GARRE1: variants seen among roughly 807,000 people sequenced by gnomAD.
GARRE1 encodes the protein granule associated Rac and RHOG effector protein 1.
GARRE1 carries 49 observed loss-of-function variants against 103.2 expected under a neutral mutation model. The observed-to-expected ratio is 0.47, with a 90% CI of 0.38 to 0.60. GARRE1 has a LOEUF of 0.60. Among genes scored for constraint, GARRE1 ranks in the 20% least tolerant of loss-of-function variants. The pLI is 0.00. For missense variants in GARRE1, 1,199 were observed against 1,370.5 expected (o/e 0.87, Z 1.98); for synonymous variants, 505 against 532.8 (o/e 0.95, Z 0.72).
intron 3 of GARRE1, among the ~76,000 whole-genome samples, chr19:34,320,764 C>T (rs938051407): frequency 2.7e-5 from 4 of 150,842 alleles, no homozygotes; most frequent in Non-Finnish European, 5.9e-5. Flanking sequence ...CTCTGTTGCC[C>T]AGGCTGAAGT....
At chr19:34,302,952 C>G (rs939699189) in intron 2 of GARRE1, among the ~76,000 whole-genome samples, 1 of 151,738 alleles carries the variant, frequency 6.6e-6, no homozygotes, top group Non-Finnish European at 1.5e-5. Flanking sequence ...ACCGTGTTGC[C>G]CAGGCTGGTG....
rs539157165 is a variant in GARRE1, at chr19:34,344,840, ATT to A, written c.2521+2399_2521+2400del. 3.7e-4 allele frequency among the ~76,000 whole-genome samples: 51 copies of A among 139,380 alleles called. No homozygotes were observed. In the South Asian group the frequency reaches 8.8e-3, roughly 24 times the overall value. 91.4% of individuals were successfully genotyped at this position (139,380 alleles called of 152,430 possible). Reference sequence around the variant, plus strand: ...AGGTGCCTGCCACCACACCCAGCTAATTTTTTTTTTTTTTTATACGGAGTCTC... The same window carrying A: ...AGGTGCCTGCCACCACACCCAGCTAATTTTTTTTTTTTTATACGGAGTCTC... On this transcript the variant is annotated intron_variant, in intron 10 of 13. Transcript: ENST00000299505.
intron 1 of GARRE1, among the ~76,000 whole-genome samples, chr19:34,273,943 G>C (rs1381163289): frequency 6.6e-6 from 1 of 152,154 alleles, no homozygotes; most frequent in Non-Finnish European, 1.5e-5. Context: ...TAAGCGCAGA[G>C]TGGTGTGATC....
At chr19:34,302,687 T>C (rs2073986258) in intron 2 of GARRE1, among the ~76,000 whole-genome samples, 1 of 151,968 alleles carries the variant, frequency 6.6e-6, no homozygotes, top group Non-Finnish European at 1.5e-5. Context: ...GTTGCTAATA[T>C]TCAGATGTAT....
At chr19:34,315,579 T>C (rs1035906125) in intron 2 of GARRE1, among the ~76,000 whole-genome samples, 5 of 151,736 alleles carry the variant, frequency 3.3e-5, no homozygotes, top group African/African-American at 4.8e-5. Context: ...GGCGTGGTGG[T>C]GGGTGCCTGT....
chr19:34,298,329 G>T (rs1312599217), intron 1 of GARRE1, among the ~76,000 whole-genome samples: 2 of 151,672 alleles, frequency 1.3e-5, no homozygotes, highest in Non-Finnish European at 2.9e-5. Flanking sequence ...CAGGAGGATT[G>T]CTTGGGCCTA....
chr19:34,332,325 A>G (rs968684467), intron 7 of GARRE1, among the ~76,000 whole-genome samples: 2 of 152,190 alleles, frequency 1.3e-5, no homozygotes, highest in Non-Finnish European at 2.9e-5. Context: ...GCTTTAGTAT[A>G]TCGATCCATA....
At chr19:34,350,331 C>T (rs563613992) in intron 12 of GARRE1, among the ~76,000 whole-genome samples, 3 of 152,222 alleles carry the variant, frequency 2.0e-5, no homozygotes, top group East Asian at 1.9e-4. Context: ...AGGTGCTAAG[C>T]CTGCAGGAGG....
rs1431035757 is a variant in GARRE1, at chr19:34,352,798, T to C, written c.3056T>C (p.Val1019Ala). The C allele has an allele frequency of 6.2e-7, 1 of 1,613,854 alleles. No individual in the cohort carries two copies. Among genetic ancestry groups the C allele is most frequent in the Non-Finnish European group, 8.5e-7 (1 of 1,180,000 alleles). ...NDTMQMLQSP[V>A]WAATNDCSAA... is the part of the protein sequence containing the mutation. ...ACCATGCAGATGCTGCAGTCCCCAG[T>C]GTGGGCCGCAACCAACGACTGCAGT... Residue 1019 changes from valine (V) to alanine (A), a missense_variant, in exon 14 of 14, where the codon GTG becomes GCG. Coordinates refer to ENST00000299505, the MANE Select transcript of GARRE1 (RefSeq NM_014686.5).
intron 10 of GARRE1, among the ~76,000 whole-genome samples, chr19:34,344,742 C>T (rs751834218): frequency 1.4e-4 from 21 of 151,800 alleles, no homozygotes; most frequent in Non-Finnish European, 2.5e-4. Flanking sequence ...GCGCGATCCC[C>T]ACTTACTTGC....
Position 34,342,356 on chromosome 19 carries a change from C to T in GARRE1, c.2422C>T (p.Gln808Ter), listed in dbSNP as rs761741035. 6.2e-7 allele frequency: 1 copy of T among 1,614,160 alleles called. No individual in the cohort carries two copies. Among genetic ancestry groups the T allele is most frequent in the South Asian group, 1.1e-5 (1 of 91,080 alleles). ...TAATGTGATGTCAGAGGTTCTGGGA[C>T]AGAAGCCGCAGGGACCTAGAAATAA... ...MDNVMSEVLG[Q>*]KPQGPRNNTW... is the part of the protein sequence containing the mutation. Residue 808 changes from glutamine to a stop codon, truncating the protein, a stop_gained, in exon 10 of 14, where the codon CAG (glutamine) becomes TAG (stop). Transcript: ENST00000299505. LOFTEE classifies it high-confidence loss of function.
At chr19:34,335,159 G>C (rs1266350182) in intron 8 of GARRE1, among the ~76,000 whole-genome samples, 1 of 152,170 alleles carries the variant, frequency 6.6e-6, no homozygotes, top group East Asian at 1.9e-4. Flanking sequence ...TGTGAAACAG[G>C]CAAAGAGGTT....
intron 1 of GARRE1, chr19:34,296,447 A>G (rs377276268): frequency 6.3e-6 from 10 of 1,590,628 alleles, no homozygotes; most frequent in East Asian, 2.2e-5. Context: ...TGGGGTGGGC[A>G]ATGTAGGCAA....
chr19:34,259,039 A>G (rs1312334695), intron 1 of GARRE1, among the ~76,000 whole-genome samples: 3 of 152,096 alleles, frequency 2.0e-5, no homozygotes, highest in Admixed American at 6.5e-5. Context: ...GTGGTGGTCC[A>G]TGCCTATAAT....
intron 8 of GARRE1, among the ~76,000 whole-genome samples, chr19:34,335,019 G>A (rs1051451624): frequency 6.6e-6 from 1 of 151,954 alleles, no homozygotes; most frequent in Non-Finnish European, 1.5e-5. Context: ...CTCCAGCCTG[G>A]GTGACAGAGC....
In GARRE1 at chr19:34,353,413, T is replaced by C. The variant is rs1444851593; in HGVS notation, c.*458T>C. 5.8e-6 allele frequency: 1 copy of C among 171,316 alleles called. No homozygotes were observed. The highest frequency in any genetic ancestry group is 1.2e-5 in the Non-Finnish European group (1 of 81,170). The allele number at this position is 171,316 out of a possible 1,614,324, so 10.6% of individuals were successfully genotyped here. A position where few individuals can be genotyped will look rare whatever the true frequency, so the allele number is the denominator to read the frequency against. Reference sequence around the variant, plus strand: ...AGTGATGACCACACCAATCACTGTATTTTATAGCTTTTTTTTTCATGTAGG... The same window carrying C: ...AGTGATGACCACACCAATCACTGTACTTTATAGCTTTTTTTTTCATGTAGG... On this transcript the variant is annotated 3_prime_UTR_variant, in exon 14 of 14. Transcript: ENST00000299505.
intron 8 of GARRE1, among the ~76,000 whole-genome samples, chr19:34,337,320 A>AATC: frequency 6.6e-6 from 1 of 152,308 alleles, no homozygotes; most frequent in Middle Eastern, 3.4e-3. Flanking sequence ...AGTATAAGAG[A>AATC]TGAGTTCAGA....
In GARRE1 at chr19:34,261,939, T is replaced by TA. The variant is rs144170288; in HGVS notation, c.-796+7326dup. Among the ~76,000 whole-genome samples, 840 of 152,272 alleles carry TA rather than the reference T, an allele frequency of 5.5e-3. 31 individuals are homozygous for TA. In the East Asian group the frequency reaches 0.1, roughly 19 times the overall value. On this transcript the variant is annotated intron_variant, in intron 1 of 13. Transcript: ENST00000299505. ...ACAACAACCCTTTGATGTAGGTACT[T>TA]ACCTCTGGTATGTGTGGCATCATGT...
chr19:34,345,846 G>GA (rs1243974053), intron 10 of GARRE1, among the ~76,000 whole-genome samples: 1 of 152,166 alleles, frequency 6.6e-6, no homozygotes, highest in African/African-American at 2.4e-5. Flanking sequence ...TTTAATAAAT[G>GA]AATAAGAATG....
Sources: gnomAD v4.1 joint callset for allele counts (sites outside exome capture counted in the v4.1 genomes callset) on GRCh38, gnomAD v4.1.1 for gene constraint, MANE v1.5 for transcripts, NCBI Gene and HGNC (gene_info 2026-07-23, HGNC 2026-07-21) for gene names.